The following AGBL1 variants were observed in gnomAD, a reference collection of about 807,000 sequenced individuals.
AGBL1 encodes AGBL carboxypeptidase 1.
A neutral mutation model predicts 118.9 loss-of-function variants in AGBL1; 130 were observed. The observed-to-expected ratio is 1.09, with a 90% CI of 0.95 to 1.26. The LOEUF is 1.26. Among genes scored for constraint, AGBL1 ranks in the 50% most tolerant of loss-of-function variants. AGBL1 has a pLI of 0.00. For missense variants in AGBL1, 1,584 were observed against 1,298.1 expected, an observed-to-expected ratio of 1.22 and a Z score of -3.38; for synonymous variants, 555 against 478.9, an observed-to-expected ratio of 1.16 and a Z score of -2.08.
intron 16 of AGBL1, among the ~76,000 whole-genome samples, chr15:86,282,825 C>T (rs576190111): frequency 7.2e-5 from 11 of 152,278 alleles, no homozygotes; most frequent in South Asian, 2.1e-4. Flanking sequence ...GTAGAAAATA[C>T]GTTTCCATGT....
chr15:86,791,813 CA>C (rs2078497901), intron 22 of AGBL1, among the ~76,000 whole-genome samples: 1 of 151,336 alleles, frequency 6.6e-6, no homozygotes, highest in Non-Finnish European at 1.5e-5. Context: ...CTTGGCTCAC[CA>C]CAACCCCCGC....
intron 17 of AGBL1, among the ~76,000 whole-genome samples, chr15:86,309,307 A>G (rs926241368): frequency 2.0e-5 from 3 of 152,182 alleles, no homozygotes; most frequent in Non-Finnish European, 2.9e-5. Context: ...TTTTTGTGTG[A>G]AAGTCTTTAG....
chr15:86,785,598 C>T (rs1334678607), intron 22 of AGBL1, among the ~76,000 whole-genome samples: 1 of 151,900 alleles, frequency 6.6e-6, no homozygotes, highest in Non-Finnish European at 1.5e-5. Context: ...GAACTCCTGG[C>T]CTCAGGCGAT....
chr15:86,210,092 A>G (rs1224403307), intron 5 of AGBL1, among the ~76,000 whole-genome samples: 3 of 152,196 alleles, frequency 2.0e-5, no homozygotes, highest in Non-Finnish European at 4.4e-5. Context: ...TTGGCCGGAT[A>G]TGAAATTCTG....
At chr15:86,108,955 TCAAA>T (rs972240932) in intron 1 of AGBL1, among the ~76,000 whole-genome samples, 4 of 152,096 alleles carry the variant, frequency 2.6e-5, no homozygotes, top group East Asian at 1.9e-4. Flanking sequence ...AGACTCCATC[TCAAA>T]CAAACAAACA....
intron 6 of AGBL1, among the ~76,000 whole-genome samples, chr15:86,236,378 G>A (rs1234973798): frequency 6.7e-6 from 1 of 149,008 alleles, no homozygotes; most frequent in Non-Finnish European, 1.5e-5. Context: ...AGGGGATGAA[G>A]CATCCAAATT....
chr15:86,460,262 G>T (rs1439031807), intron 18 of AGBL1, among the ~76,000 whole-genome samples: 3 of 127,432 alleles, frequency 2.4e-5, no homozygotes, highest in Non-Finnish European at 4.7e-5. Flanking sequence ...TGGGAGGATT[G>T]CCTGAGCCCA....
At chr15:86,226,747 A>G (rs1349429747) in intron 6 of AGBL1, among the ~76,000 whole-genome samples, 1 of 152,116 alleles carries the variant, frequency 6.6e-6, no homozygotes, top group East Asian at 1.9e-4. Context: ...TAGAATTTCT[A>G]ACTTCTTCTT....
intron 18 of AGBL1, among the ~76,000 whole-genome samples, chr15:86,453,841 T>C (rs1218052485): frequency 6.6e-6 from 1 of 152,230 alleles, no homozygotes; most frequent in Non-Finnish European, 1.5e-5. Flanking sequence ...TTGTTGTGTG[T>C]AGTATTTTTA....
At chr15:86,565,856 G>A (rs562508117) in intron 21 of AGBL1, among the ~76,000 whole-genome samples, 1 of 152,238 alleles carries the variant, frequency 6.6e-6, no homozygotes, top group Non-Finnish European at 1.5e-5. Flanking sequence ...CAGCCTCGCT[G>A]CTGCCTTGCA....
At position 86,615,381 on chromosome 15, in the gene AGBL1, C is replaced by G. The variant is rs2084707099; in HGVS notation, c.2995-58892C>G. Among the ~76,000 whole-genome samples, 1 of 152,098 alleles carries G rather than the reference C, an allele frequency of 6.6e-6. No homozygotes were observed. The highest frequency in any genetic ancestry group is 2.4e-5 in the African/African-American group (1 of 41,418). ...GAGCTCTTCAGGAGTAGGTTTGATG[C>G]AGGTGGTGTCCAGTGGGATCTGGGG... On this transcript the variant is annotated intron_variant, in intron 21 of 22. Transcript: ENST00000614907. This position sits in a 1 kb window ranked among gnomAD's most constrained non-coding sequence, Gnocchi z 4.3.
chr15:86,706,337 AG>A (rs2086449388), intron 22 of AGBL1, among the ~76,000 whole-genome samples: 1 of 152,120 alleles, frequency 6.6e-6, no homozygotes, highest in Admixed American at 6.5e-5. Flanking sequence ...GTGGTAAAAA[AG>A]AAAAAGCTTG....
chr15:86,506,871 G>A (rs982652960), intron 18 of AGBL1, among the ~76,000 whole-genome samples: 1 of 152,032 alleles, frequency 6.6e-6, no homozygotes, highest in Non-Finnish European at 1.5e-5. Flanking sequence ...AACAAAGAAG[G>A]AAAGCAGGTA....
chr15:86,298,296 AT>A (rs2079688015), intron 17 of AGBL1, among the ~76,000 whole-genome samples: 1 of 103,430 alleles, frequency 9.7e-6, no homozygotes, highest in African/African-American at 3.7e-5. Context: ...CTATATATAT[AT>A]GGTAGCTATA....
At chr15:86,519,941 T>C (rs1352918982) in intron 18 of AGBL1, among the ~76,000 whole-genome samples, 2 of 152,230 alleles carry the variant, frequency 1.3e-5, no homozygotes, top group African/African-American at 4.8e-5. Flanking sequence ...CAATTTCTAC[T>C]GATTATTTCT....
intron 23 of AGBL1, among the ~76,000 whole-genome samples, chr15:86,931,751 T>G (rs1160610195): frequency 6.6e-6 from 1 of 152,144 alleles, no homozygotes; most frequent in Non-Finnish European, 1.5e-5. Context: ...TTTCCTAGAG[T>G]TATTTGCTTC....
chr15:86,633,445 G>A (rs2085012019), intron 21 of AGBL1, among the ~76,000 whole-genome samples: 1 of 151,956 alleles, frequency 6.6e-6, no homozygotes. Flanking sequence ...TTGACATCAT[G>A]GATCATCTTT....
intron 22 of AGBL1, among the ~76,000 whole-genome samples, chr15:86,778,184 G>A (rs546551122): frequency 2.0e-5 from 3 of 152,026 alleles, no homozygotes; most frequent in Non-Finnish European, 4.4e-5. Flanking sequence ...ATAGGGTGTG[G>A]GTCACAGAGA....
chr15:86,838,941 T>TAAAA (rs386383698), intron 22 of AGBL1, among the ~76,000 whole-genome samples: 8,694 of 47,866 alleles, frequency 0.18, 1,544 homozygotes, highest in Non-Finnish European at 0.23. Flanking sequence ...TGAGATCCTG[T>TAAAA]AAAAAAAAAA....
Sources: gnomAD v4.1 joint callset for allele counts (sites outside exome capture counted in the v4.1 genomes callset) on GRCh38, gnomAD v4.1.1 for gene constraint, Gnocchi (gnomAD v3.1) non-coding constraint, MANE v1.5 for transcripts, NCBI Gene and HGNC (gene_info 2026-07-23, HGNC 2026-07-21) for gene names.